Variants in PRKCA observed in about 807,000 individuals in gnomAD.
PRKCA encodes the protein protein kinase C alpha type.
A neutral mutation model predicts 87.0 loss-of-function variants in PRKCA; 27 were observed. The observed-to-expected ratio is 0.31, with a 90% CI of 0.23 to 0.43. The LOEUF (loss-of-function observed/expected upper bound fraction) is 0.43. Among genes scored for constraint, PRKCA ranks in the 20% least tolerant of loss-of-function variants. The probability of loss-of-function intolerance (pLI) is 1.00; values close to 1 mark genes in which losing one functional copy is unlikely to be tolerated. For missense variants in PRKCA, 518 were observed against 852.3 expected, an observed-to-expected ratio of 0.61 and a Z score of 4.88; for synonymous variants, 329 against 311.1, an observed-to-expected ratio of 1.06 and a Z score of -0.61.
At chr17:66,780,194 T>C (rs1277562818) in intron 14 of PRKCA, among the ~76,000 whole-genome samples, 1 of 152,168 alleles carries the variant, frequency 6.6e-6, no homozygotes. Context: ...CAGGTGTCTC[T>C]AGTAGCGTTA....
Position 66,498,149 on chromosome 17 carries a change from C to T in PRKCA, c.288+1866C>T, listed in dbSNP as rs191147858. Among the ~76,000 whole-genome samples the T allele has an allele frequency of 2.2e-3, 340 of 152,100 alleles. 2 individuals carry two copies. Among genetic ancestry groups the T allele is most frequent in the African/African-American group, 7.4e-3 (307 of 41,480 alleles). On this transcript the variant is annotated intron_variant, in intron 3 of 16. Coordinates refer to ENST00000413366, the MANE Select transcript of PRKCA (RefSeq NM_002737.3). ...CTCCCCCCTGCTCCCCGCCTCCTGC[C>T]CCCTGCCCCGGCCACTTTCCATACT...
chr17:66,643,956 C>T (rs944902800), intron 4 of PRKCA, among the ~76,000 whole-genome samples: 1 of 152,244 alleles, frequency 6.6e-6, no homozygotes, highest in Non-Finnish European at 1.5e-5. Context: ...GACTGCAACA[C>T]GGCCCAGTGC....
At chr17:66,355,291 T>C (rs1567787122) in intron 2 of PRKCA, among the ~76,000 whole-genome samples, 1 of 152,304 alleles carries the variant, frequency 6.6e-6, no homozygotes, top group East Asian at 1.9e-4. Context: ...TAATGAAAAC[T>C]CAGGGAAGTG....
intron 2 of PRKCA, among the ~76,000 whole-genome samples, chr17:66,478,117 A>G (rs756804189): frequency 6.6e-6 from 1 of 152,202 alleles, no homozygotes; most frequent in African/African-American, 2.4e-5. Flanking sequence ...AAGAAATTGT[A>G]AAAGGTGTTG....
At chr17:66,799,959 C>T (rs985779140) in intron 16 of PRKCA, among the ~76,000 whole-genome samples, 1 of 152,014 alleles carries the variant, frequency 6.6e-6, no homozygotes, top group African/African-American at 2.4e-5. Context: ...TGATCTCCCT[C>T]AGAATAAAAA....
chr17:66,593,622 A>G (rs988772128), intron 3 of PRKCA, among the ~76,000 whole-genome samples: 1 of 152,230 alleles, frequency 6.6e-6, no homozygotes, highest in Non-Finnish European at 1.5e-5. Context: ...GACAAAGAGC[A>G]GATTCTTTGT....
At chr17:66,330,103 GAT>G (rs1491419365) in intron 2 of PRKCA, among the ~76,000 whole-genome samples, 31 of 70,884 alleles carry the variant, frequency 4.4e-4, no homozygotes, top group Non-Finnish European at 5.7e-4. Flanking sequence ...TATTTTCCTG[GAT>G]TTTTTTTTTT....
At chr17:66,627,812 C>A (rs961845364) in intron 3 of PRKCA, among the ~76,000 whole-genome samples, 2 of 152,128 alleles carry the variant, frequency 1.3e-5, no homozygotes, top group South Asian at 4.1e-4. Context: ...AGTATCCCCC[C>A]CCAAAAAATT....
chr17:66,316,526 A>C (rs1905327364), intron 2 of PRKCA, among the ~76,000 whole-genome samples: 1 of 152,094 alleles, frequency 6.6e-6, no homozygotes, highest in Non-Finnish European at 1.5e-5. Context: ...TTAAATTTTT[A>C]TTTATTTATT....
intron 5 of PRKCA, among the ~76,000 whole-genome samples, chr17:66,663,034 C>T (rs986307183): frequency 2.0e-5 from 3 of 152,162 alleles, no homozygotes; most frequent in East Asian, 1.9e-4. Flanking sequence ...CTTCTGCTGG[C>T]GGATGGAGGA....
intron 2 of PRKCA, among the ~76,000 whole-genome samples, chr17:66,417,837 C>T (rs777382217): frequency 2.6e-5 from 4 of 152,106 alleles, no homozygotes; most frequent in African/African-American, 9.7e-5. Context: ...CCTAGAGTTG[C>T]TCAGGCCATT....
intron 2 of PRKCA, among the ~76,000 whole-genome samples, chr17:66,417,234 A>T (rs1330253205): frequency 1.3e-5 from 2 of 151,876 alleles, no homozygotes; most frequent in Non-Finnish European, 2.9e-5. Context: ...TAAAAAGATT[A>T]ATTGAAAATT....
chr17:66,791,489 C>A (rs1395613528), intron 16 of PRKCA, among the ~76,000 whole-genome samples: 3 of 152,198 alleles, frequency 2.0e-5, no homozygotes, highest in African/African-American at 7.2e-5. Context: ...CCCGTAGACG[C>A]TGTGTTCAAA....
At chr17:66,424,145 T>G (rs138432113) in intron 2 of PRKCA, among the ~76,000 whole-genome samples, 5 of 152,308 alleles carry the variant, frequency 3.3e-5, no homozygotes, top group Admixed American at 6.5e-5. Flanking sequence ...TTGTCTCAGC[T>G]TGCACTTCAC....
At chr17:66,364,422 A>G (rs2092986272) in intron 2 of PRKCA, 1 of 152,180 alleles carries the variant, frequency 6.6e-6, no homozygotes, top group African/African-American at 2.4e-5. Flanking sequence ...GCATAAAACC[A>G]AAGGGGTTTT....
intron 3 of PRKCA, among the ~76,000 whole-genome samples, chr17:66,535,685 C>T (rs967595169): frequency 1.3e-5 from 2 of 152,218 alleles, no homozygotes; most frequent in Non-Finnish European, 2.9e-5. Context: ...TCCTTCCCTT[C>T]TGAATCCTAG....
At chr17:66,778,034 C>T (rs1975102779) in intron 14 of PRKCA, 1 of 985,296 alleles carries the variant, frequency 1.0e-6, no homozygotes, top group Non-Finnish European at 1.2e-6. Context: ...GCAAATTGGC[C>T]TGAGGTGATT....
At position 66,473,891 on chromosome 17, in the gene PRKCA, G is replaced by A. The variant is rs139637206; in HGVS notation, c.206-22310G>A. Reference sequence around the variant, plus strand: ...AGAGGTTGCGGTGAGCCGAGATCACGCCATTGCACTCCAGTCTGGTTCTGG... The same window carrying A: ...AGAGGTTGCGGTGAGCCGAGATCACACCATTGCACTCCAGTCTGGTTCTGG... On this transcript the variant is annotated intron_variant, in intron 2 of 16. Transcript: ENST00000413366. Among the ~76,000 whole-genome samples, 1,061 of 152,142 alleles carry A rather than the reference G, an allele frequency of 7.0e-3. 9 individuals are homozygous for A. The highest frequency in any genetic ancestry group is 0.023 in the South Asian group (111 of 4,810).
chr17:66,630,831 T>G (rs1210943774), intron 3 of PRKCA, among the ~76,000 whole-genome samples: 1 of 152,200 alleles, frequency 6.6e-6, no homozygotes, highest in Non-Finnish European at 1.5e-5. Context: ...ACCCATCCTG[T>G]GGCTCTTTAC....
Sources: gnomAD v4.1 joint callset for allele counts (sites outside exome capture counted in the v4.1 genomes callset) on GRCh38, gnomAD v4.1.1 for gene constraint, MANE v1.5 for transcripts, NCBI Gene and HGNC (gene_info 2026-07-23, HGNC 2026-07-21) for gene names.